Variants in OCA2 observed in about 807,000 individuals in gnomAD.
OCA2 encodes the protein OCA2 melanosomal transmembrane protein.
Under a neutral mutation model 100.2 loss-of-function variants are expected in OCA2, and 77 were observed. The observed-to-expected ratio is 0.77, with a 90% CI of 0.64 to 0.93. OCA2 has a LOEUF of 0.93. OCA2 is among the 40% of genes least tolerant of loss of function. The pLI is 0.00. For synonymous variants in OCA2, 432 were observed against 439.2 expected (o/e 0.98, Z 0.21); for missense variants, 1,062 against 1,089.1 (o/e 0.98, Z 0.35).
At chr15:27,879,674 C>T (rs1196367516) in intron 19 of OCA2, among the ~76,000 whole-genome samples, 2 of 152,186 alleles carry the variant, frequency 1.3e-5, no homozygotes, top group East Asian at 1.9e-4. Context: ...TGTTCATGTC[C>T]TTTGCCCAAT....
At chr15:27,725,112 G>A in the OCA2 span, among the ~76,000 whole-genome samples, 21 of 152,308 alleles carry the variant, frequency 1.4e-4, no homozygotes, top group East Asian at 3.9e-4. Context: ...GTGCTCAACC[G>A]CAGAGTGGGC....
intron 9 of OCA2, among the ~76,000 whole-genome samples, chr15:28,014,544 A>C (rs2042328796): frequency 6.6e-6 from 1 of 152,178 alleles, no homozygotes. Flanking sequence ...TTTCTCAGGT[A>C]CACTTCTGCT....
At chr15:27,894,891 T>A (rs1335113348) in intron 19 of OCA2, among the ~76,000 whole-genome samples, 1 of 152,208 alleles carries the variant, frequency 6.6e-6, no homozygotes, top group African/African-American at 2.4e-5. Context: ...TTGTGATGCA[T>A]CACTGCACTC....
At chr15:27,903,287 A>C (rs1461861097) in intron 19 of OCA2, among the ~76,000 whole-genome samples, 2 of 152,086 alleles carry the variant, frequency 1.3e-5, no homozygotes, top group Non-Finnish European at 2.9e-5. Flanking sequence ...TTGTGCTCCG[A>C]AACCCCAAGC....
intron 19 of OCA2, among the ~76,000 whole-genome samples, chr15:27,886,926 T>C (rs1408108853): frequency 1.3e-5 from 2 of 152,144 alleles, no homozygotes; most frequent in Admixed American, 6.5e-5. Context: ...CACCCAAATC[T>C]CATCTGGTAG....
At chr15:27,967,864 A>G (rs1410931033) in intron 14 of OCA2, among the ~76,000 whole-genome samples, 3 of 151,476 alleles carry the variant, frequency 2.0e-5, no homozygotes, top group Non-Finnish European at 4.4e-5. Context: ...ACGTCCTGGA[A>G]TAAGTCAGCA....
chr15:28,093,616 G>T (rs1004592160), intron 1 of OCA2, among the ~76,000 whole-genome samples: 10 of 152,006 alleles, frequency 6.6e-5, no homozygotes, highest in African/African-American at 1.9e-4. Context: ...TAATCCCAGA[G>T]AAATGAAACT....
intron 14 of OCA2, among the ~76,000 whole-genome samples, chr15:27,976,015 T>C (rs4778134): frequency 1 from 152,054 of 152,232 alleles, 75,938 homozygotes; most frequent in Middle Eastern, 1. Context: ...TATGCAATAC[T>C]GAATACAGCA....
At chr15:28,007,583 A>G (rs1257224266) in intron 9 of OCA2, among the ~76,000 whole-genome samples, 1 of 152,110 alleles carries the variant, frequency 6.6e-6, no homozygotes, top group East Asian at 1.9e-4. Flanking sequence ...ACAAAAAATT[A>G]GCCGGGGGTG....
intron 2 of OCA2, among the ~76,000 whole-genome samples, chr15:28,081,044 C>G (rs190582785): frequency 1.3e-5 from 2 of 152,014 alleles, no homozygotes; most frequent in Admixed American, 1.3e-4. Context: ...CGCTAACCCC[C>G]GGGTGCACAT....
intron 23 of OCA2, among the ~76,000 whole-genome samples, chr15:27,835,794 ATCT>A (rs1373370491): frequency 6.6e-6 from 1 of 152,040 alleles, no homozygotes; most frequent in Non-Finnish European, 1.5e-5. Context: ...TGCTGGGTCG[ATCT>A]TCTCTCTTGG....
In OCA2 at chr15:28,024,009, T is replaced by C. The variant is rs3794605; in HGVS notation, c.573+836A>G. 7.7e-3 allele frequency among the ~76,000 whole-genome samples: 1,173 copies of C among 152,188 alleles called. 96 individuals are homozygous for C. In the East Asian group the frequency reaches 0.21, roughly 27 times the overall value. On this transcript the variant is annotated intron_variant, in intron 5 of 23. Transcript: ENST00000354638. The stretch of plus-strand genomic sequence containing the variant: ...AGACAGGAGACCACACACCCACTCA[T>C]TGGGCAAATGTATTTTGAGTGCCGC...
chr15:27,901,108 A>G (rs529154968), intron 19 of OCA2, among the ~76,000 whole-genome samples: 1 of 152,332 alleles, frequency 6.6e-6, no homozygotes, highest in South Asian at 2.1e-4. Context: ...TTTAAGTTTC[A>G]GGTGTTACTG....
chr15:27,726,798 C>T, the OCA2 span, among the ~76,000 whole-genome samples: 5 of 152,188 alleles, frequency 3.3e-5, no homozygotes, highest in Admixed American at 2.6e-4. Context: ...AGCACTTGGC[C>T]GTCTGCTTCC....
intron 21 of OCA2, among the ~76,000 whole-genome samples, chr15:27,868,182 A>G (rs2036399550): frequency 6.6e-6 from 1 of 152,218 alleles, no homozygotes; most frequent in Admixed American, 6.5e-5. Context: ...GGGGGTTTCT[A>G]AGCATTAAAC....
chr15:27,932,841 A>T (rs2039303966), intron 18 of OCA2, among the ~76,000 whole-genome samples: 1 of 152,176 alleles, frequency 6.6e-6, no homozygotes, highest in Admixed American at 6.5e-5. Flanking sequence ...CACAAAACAA[A>T]CAAGACTACT....
chr15:27,984,772 AT>A (rs981791935), intron 13 of OCA2, among the ~76,000 whole-genome samples: 81 of 152,132 alleles, frequency 5.3e-4, no homozygotes, highest in African/African-American at 1.9e-3. Context: ...GGGGTGAGCC[AT>A]TCTTGTCCAC....
chr15:27,873,025 A>G (rs74854004), intron 19 of OCA2, among the ~76,000 whole-genome samples: 2,396 of 152,296 alleles, frequency 0.016, 57 homozygotes, highest in African/African-American at 0.051. Context: ...CAGAATCTCA[A>G]TCTGCATGTA....
rs1331049582 is a variant in OCA2, at chr15:28,004,675, AAC to A, written c.1044+10099_1044+10100del. On this transcript the variant is annotated intron_variant, in intron 9 of 23. Coordinates refer to ENST00000354638, the MANE Select transcript of OCA2 (RefSeq NM_000275.3). ...ACACACCCTCACATGCCCACACACT[AAC>A]AGTCTCACACGCTGACTCACACACT... 2.6e-5 allele frequency among the ~76,000 whole-genome samples: 4 copies of A among 151,762 alleles called. No homozygotes were observed. The East Asian group carries it at 7.7e-4, about 29-fold the overall frequency.
Sources: gnomAD v4.1 joint callset for allele counts (sites outside exome capture counted in the v4.1 genomes callset) on GRCh38, gnomAD v4.1.1 for gene constraint, MANE v1.5 for transcripts, NCBI Gene and HGNC (gene_info 2026-07-23, HGNC 2026-07-21) for gene names.